AXDND1: variants seen among roughly 807,000 people sequenced by gnomAD.
The protein encoded by AXDND1 is axonemal dynein light chain domain-containing protein 1.
In AXDND1, 110 loss-of-function variants were observed where a neutral mutation model predicts 137.5. The observed-to-expected ratio is 0.80, with a 90% confidence interval of 0.69 to 0.94. The LOEUF (loss-of-function observed/expected upper bound fraction) is 0.94, where lower values mean the gene tolerates loss of function less well. Among genes scored for constraint, AXDND1 ranks in the 40% least tolerant of loss-of-function variants. AXDND1 has a pLI of 0.00. For synonymous variants in AXDND1, 414 were observed against 399.7 expected (o/e 1.04, Z -0.43); for missense variants, 1,191 against 1,169.8 (o/e 1.02, Z -0.26).
intron 11 of AXDND1, among the ~76,000 whole-genome samples, chr1:179,396,279 T>C (rs1160952789): frequency 6.6e-6 from 1 of 152,036 alleles, no homozygotes; most frequent in East Asian, 1.9e-4. Context: ...CTCCCCAGAG[T>C]TAATCACTAA....
At chr1:179,483,292 G>T in intron 18 of AXDND1, 71 bp downstream of exon 18, 1 of 996,034 alleles carries the variant, frequency 1.0e-6, no homozygotes. Flanking sequence ...GAAAAATAAT[G>T]CTCTCCCTAT....
intron 12 of AXDND1, among the ~76,000 whole-genome samples, chr1:179,417,404 A>G (rs1654870607): frequency 6.6e-6 from 1 of 152,082 alleles, no homozygotes; most frequent in Non-Finnish European, 1.5e-5. Flanking sequence ...TTGAGGTCTT[A>G]CACGGAAAAT....
intron 11 of AXDND1, among the ~76,000 whole-genome samples, chr1:179,398,285 C>T (rs547409744): frequency 2.6e-4 from 40 of 152,256 alleles, no homozygotes; most frequent in African/African-American, 9.1e-4. Context: ...ACTCCTGGAC[C>T]GTGTACTCCA....
At chr1:179,518,467 G>A (rs1669760414) in intron 21 of AXDND1, among the ~76,000 whole-genome samples, 1 of 148,718 alleles carries the variant, frequency 6.7e-6, no homozygotes, top group African/African-American at 2.5e-5. Context: ...GAGGTTTGTT[G>A]TACAGATTAT....
intron 19 of AXDND1, 102 bp downstream of exon 19, chr1:179,491,839 T>C: frequency 9.7e-7 from 1 of 1,032,446 alleles, no homozygotes; most frequent in Non-Finnish European, 1.4e-6. Flanking sequence ...TTTAAAACCT[T>C]GAAAGAAATA....
chr1:179,504,853 C>G (rs1668375423), intron 20 of AXDND1, among the ~76,000 whole-genome samples: 1 of 152,184 alleles, frequency 6.6e-6, no homozygotes, highest in Non-Finnish European at 1.5e-5. Flanking sequence ...TGCTCTCACA[C>G]CAGAGGTAAG....
intron 16 of AXDND1, chr1:179,454,540 A>C (rs557048536): frequency 6.6e-6 from 1 of 152,418 alleles, no homozygotes; most frequent in East Asian, 1.9e-4. Context: ...AGAAGAGGAA[A>C]GAAAAATAAG....
chr1:179,506,595 G>A (rs1668557580), intron 20 of AXDND1, among the ~76,000 whole-genome samples: 1 of 152,142 alleles, frequency 6.6e-6, no homozygotes, highest in Non-Finnish European at 1.5e-5. Flanking sequence ...AGCCGGGCAT[G>A]GTGGCATGCC....
chr1:179,439,014 A>T (rs1257932198), intron 15 of AXDND1, among the ~76,000 whole-genome samples: 1 of 152,064 alleles, frequency 6.6e-6, no homozygotes, highest in African/African-American at 2.4e-5. Context: ...TCGGTGTTGT[A>T]TAAAGAAGAA....
chr1:179,494,360 ATG>A (rs1423861838), intron 20 of AXDND1, among the ~76,000 whole-genome samples: 17 of 152,062 alleles, frequency 1.1e-4, no homozygotes. Flanking sequence ...ACTTCTTTTC[ATG>A]TGTGTATTTG....
chr1:179,537,014 G>T (rs1671619205), intron 25 of AXDND1, among the ~76,000 whole-genome samples: 1 of 152,182 alleles, frequency 6.6e-6, no homozygotes, highest in Non-Finnish European at 1.5e-5. Flanking sequence ...CTGTTTGTCT[G>T]TTATTGGTGT....
Position 179,491,522 on chromosome 1 carries a change from A to G in AXDND1, c.2092-16A>G, listed in dbSNP as rs369216845. The stretch of plus-strand genomic sequence containing the variant: ...ATTTAAAGTGGGTCATTTGTATTAT[A>G]CTCATTTTTTAACAGATGGATGAGT... On this transcript the variant is annotated splice_polypyrimidine_tract_variant and intron_variant, in intron 18 of 25. Transcript: ENST00000367618. 1.2e-5 allele frequency: 18 copies of G among 1,527,806 alleles called. No homozygotes were observed. The African/African-American group carries it at 2.2e-4, about 19-fold the overall frequency. The allele number at this position is 1,527,806 out of a possible 1,614,324, so 94.6% of individuals were successfully genotyped here. A position where few individuals can be genotyped will look rare whatever the true frequency, so the allele number is the denominator to read the frequency against.
chr1:179,511,804 T>G (rs1394059098), intron 21 of AXDND1, among the ~76,000 whole-genome samples: 1 of 152,064 alleles, frequency 6.6e-6, no homozygotes, highest in Non-Finnish European at 1.5e-5. Context: ...TGCATTTCCC[T>G]GATCATTAGT....
In AXDND1 at chr1:179,552,625, G is replaced by A. The variant is rs780761368; in HGVS notation, c.3032-1887G>A. 7.4e-6 allele frequency: 12 copies of A among 1,613,620 alleles called. No individual in the cohort carries two copies. Among genetic ancestry groups the A allele is most frequent in the Admixed American group, 5.0e-5 (3 of 59,982 alleles). On this transcript the variant is annotated intron_variant, in intron 25 of 25. Transcript: ENST00000367618. ...CACCCGCACTTTGGCTTGTCTTTGC[G>A]CTTCAGCCTCCACAGCCAGTGAGTG...
At chr1:179,493,051 A>T in intron 20 of AXDND1, 100 bp downstream of exon 20, 1 of 782,074 alleles carries the variant, frequency 1.3e-6, no homozygotes, top group South Asian at 1.9e-5. Context: ...ATATTTAAAG[A>T]ATACAATCTT....
At chr1:179,378,573 C>T in intron 4 of AXDND1, 64 bp from the exon 5 acceptor site, 1 of 1,259,742 alleles carries the variant, frequency 7.9e-7, no homozygotes. Context: ...GTGGATCTCA[C>T]CTGCTGTTAT....
intron 21 of AXDND1, among the ~76,000 whole-genome samples, chr1:179,516,413 C>G (rs60323829): frequency 0.13 from 20,498 of 152,110 alleles, 1,542 homozygotes; most frequent in African/African-American, 0.17. Flanking sequence ...TGGTGCCTCC[C>G]TGATTAGCTT....
chr1:179,453,823 AT>A (rs1171007079), intron 16 of AXDND1: 13 of 129,820 alleles, frequency 1.0e-4, no homozygotes, highest in South Asian at 2.6e-4. Context: ...AAAAAAAAAA[AT>A]GGACTCTCCT....
intron 25 of AXDND1, among the ~76,000 whole-genome samples, chr1:179,546,759 T>G (rs1410586): frequency 0.12 from 18,500 of 152,120 alleles, 1,302 homozygotes; most frequent in African/African-American, 0.16. Context: ...CATAGTGTAC[T>G]TAAGGATCTT....
Sources: gnomAD v4.1 joint callset for allele counts (sites outside exome capture counted in the v4.1 genomes callset) on GRCh38, gnomAD v4.1.1 for gene constraint, MANE v1.5 for transcripts, NCBI Gene and HGNC (gene_info 2026-07-23, HGNC 2026-07-21) for gene names.